The following TMCC1 variants were observed in gnomAD, a reference collection of about 807,000 sequenced individuals.
The protein encoded by TMCC1 is transmembrane and coiled-coil domain family 1, also known as transmembrane and coiled-coil domains protein 1.
TMCC1 carries 15 observed loss-of-function variants against 52.4 expected under a neutral mutation model. That is an observed-to-expected ratio of 0.29 (90% CI 0.19 to 0.44). TMCC1 has a LOEUF of 0.44. Ranked by LOEUF, TMCC1 falls within the 20% of genes least tolerant of loss-of-function variation. The pLI, the probability that TMCC1 is intolerant of heterozygous loss-of-function variation, is 1.00. For synonymous variants in TMCC1, 279 were observed against 301.9 expected (o/e 0.92, Z 0.79); for missense variants, 503 against 806.0 (o/e 0.62, Z 4.55).
chr3:129,657,804 T>G (rs2086763030), intron 5 of TMCC1, among the ~76,000 whole-genome samples: 1 of 152,170 alleles, frequency 6.6e-6, no homozygotes, highest in Admixed American at 6.5e-5. Flanking sequence ...TATACTGCTG[T>G]TGGGAATGGA....
intron 4 of TMCC1, among the ~76,000 whole-genome samples, chr3:129,798,803 CTTTT>C (rs2057011826): frequency 6.6e-6 from 1 of 152,066 alleles, no homozygotes; most frequent in Non-Finnish European, 1.5e-5. Context: ...AATTATTATT[CTTTT>C]AGTTACTGTC....
At chr3:129,774,555 T>A (rs2054870996) in intron 4 of TMCC1, among the ~76,000 whole-genome samples, 1 of 152,170 alleles carries the variant, frequency 6.6e-6, no homozygotes, top group Admixed American at 6.5e-5. Context: ...GACAGTATCA[T>A]GGTTGGAACT....
intron 2 of TMCC1, among the ~76,000 whole-genome samples, chr3:129,866,378 GT>G (rs1160648900): frequency 3.0e-3 from 321 of 108,030 alleles, no homozygotes; most frequent in Middle Eastern, 5.2e-3. Context: ...ATATATATAT[GT>G]TTTTTTTTTT....
chr3:129,783,271 A>G (rs1194115073), intron 4 of TMCC1, among the ~76,000 whole-genome samples: 1 of 152,310 alleles, frequency 6.6e-6, no homozygotes, highest in Non-Finnish European at 1.5e-5. Flanking sequence ...TGCTCATTGA[A>G]TAGAAACGGG....
chr3:129,710,014 G>A (rs573426142), intron 4 of TMCC1, among the ~76,000 whole-genome samples: 27 of 152,026 alleles, frequency 1.8e-4, no homozygotes, highest in African/African-American at 4.8e-4. Flanking sequence ...GTGAAACTCC[G>A]TCTCTACTAA....
chr3:129,837,929 C>T (rs1368779407), intron 2 of TMCC1, among the ~76,000 whole-genome samples: 12 of 152,162 alleles, frequency 7.9e-5, no homozygotes, highest in Non-Finnish European at 4.4e-5. Flanking sequence ...AATCAGTAAA[C>T]TTGAAAATAG....
At position 129,880,336 on chromosome 3, in the gene TMCC1, C is replaced by T. The variant is rs1038443151; in HGVS notation, c.-211G>A. 5 of 152,142 alleles carry T rather than the reference C, an allele frequency of 3.3e-5. No individual in the cohort carries two copies. The South Asian group carries it at 1.0e-3, about 31-fold the overall frequency. The allele number at this position is 152,142 out of a possible 1,614,324, so 9.4% of individuals were successfully genotyped here. A position where few individuals can be genotyped will look rare whatever the true frequency, so the allele number is the denominator to read the frequency against. On this transcript the variant is annotated 5_prime_UTR_variant, in exon 2 of 7. Coordinates refer to ENST00000393238, the MANE Select transcript of TMCC1 (RefSeq NM_001017395.5). ...CCTCAAAATCCCAGCAATAGCTTCC[C>T]TTTCTTTGCATAGGTGAGGATGAAC...
chr3:129,882,866 G>T (rs2061522367), intron 1 of TMCC1, among the ~76,000 whole-genome samples: 1 of 152,142 alleles, frequency 6.6e-6, no homozygotes, highest in African/African-American at 2.4e-5. Flanking sequence ...GGCCAGAGGA[G>T]GGGGTCTGGG....
At chr3:129,790,062 A>G (rs1247887439) in intron 4 of TMCC1, among the ~76,000 whole-genome samples, 1 of 152,242 alleles carries the variant, frequency 6.6e-6, no homozygotes, top group Non-Finnish European at 1.5e-5. Flanking sequence ...AGCAAAAGAA[A>G]GCTCTCAAAT....
intron 4 of TMCC1, chr3:129,819,684 G>C (rs1254856525): frequency 6.6e-6 from 1 of 152,112 alleles, no homozygotes; most frequent in Non-Finnish European, 1.5e-5. Flanking sequence ...CTGGAGACTA[G>C]AATTTAAGCG....
chr3:129,864,784 T>C (rs191251420), intron 2 of TMCC1, among the ~76,000 whole-genome samples: 2 of 152,374 alleles, frequency 1.3e-5, no homozygotes, highest in Admixed American at 6.5e-5. Flanking sequence ...AATTAGGTTA[T>C]GGTCAGTACC....
rs575025053 is a variant in TMCC1 at position 129,836,288 on chromosome 3, T to C, written c.-183-3462A>G. 5.3e-5 allele frequency among the ~76,000 whole-genome samples: 8 copies of C among 152,224 alleles called. No homozygotes were observed. The South Asian group carries it at 8.3e-4, about 16-fold the overall frequency. On this transcript the variant is annotated intron_variant, in intron 2 of 6. Transcript: ENST00000393238. ...ATTTTGTATTCTTCTCAGTAGGTGATAGAACAAATGACTCAAATAAAGGGA... is the reference window on the plus strand; with the variant it reads ...ATTTTGTATTCTTCTCAGTAGGTGACAGAACAAATGACTCAAATAAAGGGA...
At chr3:129,847,948 T>C (rs2059741479) in intron 2 of TMCC1, 1 of 152,210 alleles carries the variant, frequency 6.6e-6, no homozygotes, top group Admixed American at 6.5e-5. Flanking sequence ...TTCATGTGCT[T>C]ATTTGCCATT....
At chr3:129,688,563 GC>G (rs1444980773) in intron 4 of TMCC1, 1 of 985,406 alleles carries the variant, frequency 1.0e-6, no homozygotes, top group Non-Finnish European at 1.2e-6. Flanking sequence ...CCTCCGCAGT[GC>G]CCACCTCAGC....
intron 4 of TMCC1, among the ~76,000 whole-genome samples, chr3:129,693,158 T>G (rs922480373): frequency 2.6e-5 from 4 of 152,226 alleles, no homozygotes; most frequent in African/African-American, 9.7e-5. Context: ...TGGCAACATT[T>G]AATCAGCTTT....
intron 5 of TMCC1, chr3:129,656,617 T>C (rs940508796): frequency 6.6e-6 from 1 of 152,156 alleles, no homozygotes; most frequent in Non-Finnish European, 1.5e-5. Context: ...CCACTGCTTT[T>C]CTAAGAAACA....
chr3:129,807,090 TG>T (rs1287148048), intron 4 of TMCC1, among the ~76,000 whole-genome samples: 2 of 152,206 alleles, frequency 1.3e-5, no homozygotes, highest in African/African-American at 4.8e-5. Flanking sequence ...ACATAAGCTA[TG>T]GTATCATTTT....
chr3:129,824,602 G>A (rs1035809770), intron 4 of TMCC1, among the ~76,000 whole-genome samples: 4 of 152,136 alleles, frequency 2.6e-5, no homozygotes, highest in African/African-American at 4.8e-5. Context: ...GGCTTTCAGA[G>A]GTAGGGTCAA....
chr3:129,882,911 T>C (rs1028747021), intron 1 of TMCC1, among the ~76,000 whole-genome samples: 16 of 151,988 alleles, frequency 1.1e-4, no homozygotes, highest in African/African-American at 3.1e-4. Flanking sequence ...GTTTGCAAGA[T>C]GAAAGGAGTA....
Sources: gnomAD v4.1 joint callset for allele counts (sites outside exome capture counted in the v4.1 genomes callset) on GRCh38, gnomAD v4.1.1 for gene constraint, MANE v1.5 for transcripts, NCBI Gene and HGNC (gene_info 2026-07-23, HGNC 2026-07-21) for gene names.